PCDHA10: variants seen among roughly 807,000 people sequenced by gnomAD.
PCDHA10 encodes the protein protocadherin alpha 10.
In PCDHA10, 45 loss-of-function variants were observed where a neutral mutation model predicts 61.2. The observed-to-expected ratio is 0.74, with a 90% CI of 0.58 to 0.94. PCDHA10 has a LOEUF of 0.94. Among genes scored for constraint, PCDHA10 ranks in the 40% least tolerant of loss-of-function variants. The pLI, the probability that PCDHA10 is intolerant of heterozygous loss-of-function variation, is 0.00. For synonymous variants in PCDHA10, 602 were observed against 548.8 expected (o/e 1.10, Z -1.35); for missense variants, 1,278 against 1,236.2 (o/e 1.03, Z -0.51).
At chr5:140,951,440 A>G (rs1296002857) in intron 1 of PCDHA10, among the ~76,000 whole-genome samples, 2 of 152,004 alleles carry the variant, frequency 1.3e-5, no homozygotes, top group Non-Finnish European at 2.9e-5. Flanking sequence ...TGTAGGAAGC[A>G]TGATGCCGGC....
intron 1 of PCDHA10, among the ~76,000 whole-genome samples, chr5:140,925,937 C>T (rs1244990026): frequency 1.4e-5 from 2 of 138,450 alleles, no homozygotes; most frequent in East Asian, 3.9e-4. Flanking sequence ...AGTAGAGCCT[C>T]TTGGAGAAGG....
chr5:140,970,873 A>G (rs138100298), intron 1 of PCDHA10, among the ~76,000 whole-genome samples: 80 of 152,316 alleles, frequency 5.3e-4, no homozygotes, highest in African/African-American at 1.8e-3. Context: ...GATTGAGAGT[A>G]GATTTTTCTC....
At chr5:141,005,939 C>A (rs1183397075) in intron 3 of PCDHA10, among the ~76,000 whole-genome samples, 2 of 151,786 alleles carry the variant, frequency 1.3e-5, no homozygotes, top group Non-Finnish European at 2.9e-5. Flanking sequence ...AGAGTGAGAA[C>A]CTATCTCTAA....
chr5:141,006,365 C>A, intron 3 of PCDHA10, among the ~76,000 whole-genome samples: 1 of 151,966 alleles, frequency 6.6e-6, no homozygotes, highest in East Asian at 1.9e-4. Flanking sequence ...GCGCCCACCA[C>A]CACGCCCGGC....
intron 1 of PCDHA10, chr5:140,869,684 T>A: frequency 6.2e-7 from 1 of 1,613,486 alleles, no homozygotes; most frequent in Non-Finnish European, 8.5e-7. Context: ...AGACTGTCAC[T>A]TATTTTAAAG....
chr5:140,926,921 G>A (rs1554203799), intron 1 of PCDHA10: 3 of 1,571,110 alleles, frequency 1.9e-6, no homozygotes, highest in African/African-American at 2.7e-5. Flanking sequence ...GCAGTTTTAT[G>A]TTTGTGGGTT....
rs1554166675 is a variant in PCDHA10 at position 140,873,309 on chromosome 5, T to C, written c.2388+14873T>C. ...TGAAACTTTATAAATATAATAAAGG[T>C]GAATATTAGATAGGGCATACATTAC... On this transcript the variant is annotated intron_variant, in intron 1 of 3. Transcript: ENST00000307360. Among the ~76,000 whole-genome samples, 4 of 152,264 alleles carry C rather than the reference T, an allele frequency of 2.6e-5. No individual in the cohort carries two copies. The East Asian group carries it at 5.8e-4, about 22-fold the overall frequency.
intron 1 of PCDHA10, among the ~76,000 whole-genome samples, chr5:140,952,008 G>A (rs1427518321): frequency 6.6e-6 from 1 of 152,132 alleles, no homozygotes; most frequent in Non-Finnish European, 1.5e-5. Context: ...AAGAATTATA[G>A]GCCCCATGCA....
intron 1 of PCDHA10, chr5:140,927,907 G>A (rs1179807732): frequency 4.9e-5 from 79 of 1,614,038 alleles, no homozygotes; most frequent in Non-Finnish European, 6.6e-5. Flanking sequence ...TCATGCCCCC[G>A]AACTGGACTT....
intron 1 of PCDHA10, chr5:140,967,204 G>T: frequency 3.7e-6 from 6 of 1,613,634 alleles, no homozygotes; most frequent in Non-Finnish European, 5.1e-6. Context: ...ACAACTCACC[G>T]CGTTTCCCGC....
chr5:140,913,552 T>A (rs1474729453), intron 1 of PCDHA10, among the ~76,000 whole-genome samples: 1 of 152,166 alleles, frequency 6.6e-6, no homozygotes, highest in African/African-American at 2.4e-5. Context: ...GTTTTGTTGA[T>A]CTCTTGTATT....
Position 140,870,311 on chromosome 5 carries a change from A to C in PCDHA10, c.2388+11875A>C, listed in dbSNP as rs143855054. The C allele has an allele frequency of 1.9e-6, 3 of 1,614,154 alleles. No homozygotes were observed. In the African/African-American group the frequency reaches 4.0e-5, roughly 22 times the overall value. On this transcript the variant is annotated intron_variant, in intron 1 of 3. Transcript: ENST00000307360. ...AAGCTGGTGTCCACCTTCAAGAATT[A>C]CTACTCGTTGGTGCTGGACAGCGCC...
chr5:140,956,733 C>A (rs1412191742), intron 1 of PCDHA10, among the ~76,000 whole-genome samples: 1 of 152,172 alleles, frequency 6.6e-6, no homozygotes, highest in Non-Finnish European at 1.5e-5. Flanking sequence ...ACCAGCTCCT[C>A]TTTGTACCTC....
chr5:140,905,851 A>G (rs1345912722), intron 1 of PCDHA10, among the ~76,000 whole-genome samples: 1 of 152,204 alleles, frequency 6.6e-6, no homozygotes, highest in Non-Finnish European at 1.5e-5. Context: ...ATTAAGGAGT[A>G]TTAACTCACA....
At chr5:141,002,449 C>G (rs2098081029) in intron 3 of PCDHA10, among the ~76,000 whole-genome samples, 1 of 152,192 alleles carries the variant, frequency 6.6e-6, no homozygotes, top group African/African-American at 2.4e-5. Flanking sequence ...ATAATTGGCA[C>G]ATTTGTATAA....
chr5:140,869,555 G>A, intron 1 of PCDHA10: 1 of 1,614,172 alleles, frequency 6.2e-7, no homozygotes, highest in Non-Finnish European at 8.5e-7. Flanking sequence ...TCGGACTCGC[G>A]TTTTCCACTA....
intron 1 of PCDHA10, chr5:140,870,439 G>T (rs374343977): frequency 6.2e-7 from 1 of 1,614,244 alleles, no homozygotes; most frequent in African/African-American, 1.3e-5. Context: ...GGAGGTGGCC[G>T]ACGTGAACGA....
At chr5:140,893,771 T>C (rs1428542584) in intron 1 of PCDHA10, among the ~76,000 whole-genome samples, 1 of 152,186 alleles carries the variant, frequency 6.6e-6, no homozygotes, top group African/African-American at 2.4e-5. Flanking sequence ...CTTGTCACTT[T>C]TCTTTTACCG....
chr5:140,860,407 G>C (rs2046379214), intron 1 of PCDHA10: 1 of 151,974 alleles, frequency 6.6e-6, no homozygotes, highest in African/African-American at 2.4e-5. Flanking sequence ...AAAAGCAATA[G>C]TAACACCATT....
Sources: gnomAD v4.1 joint callset for allele counts (sites outside exome capture counted in the v4.1 genomes callset) on GRCh38, gnomAD v4.1.1 for gene constraint, MANE v1.5 for transcripts, NCBI Gene and HGNC (gene_info 2026-07-23, HGNC 2026-07-21) for gene names.